Variants in SULT4A1 observed in about 807,000 individuals in gnomAD.
SULT4A1 encodes sulfotransferase family 4A member 1, also known as sulfotransferase 4A1.
A neutral mutation model predicts 35.2 loss-of-function variants in SULT4A1; 11 were observed. The ratio of observed to expected loss-of-function variants is 0.31; its 90% CI spans 0.20 to 0.52. The LOEUF is 0.52. Ranked by LOEUF, SULT4A1 falls within the 20% of genes least tolerant of loss-of-function variation. SULT4A1 has a pLI of 0.97. For synonymous variants in SULT4A1, 152 were observed against 151.8 expected (o/e 1.00, Z -0.01); for missense variants, 271 against 383.7 (o/e 0.71, Z 2.45).
chr22:43,858,963 C>T (rs144412071), intron 1 of SULT4A1, among the ~76,000 whole-genome samples: 1 of 152,310 alleles, frequency 6.6e-6, no homozygotes, highest in Non-Finnish European at 1.5e-5. Flanking sequence ...TCTTCAGAAC[C>T]CTCATTACCA....
At chr22:43,828,936 C>T (rs2063306630) in intron 6 of SULT4A1, 124 bp downstream of exon 6, 3 of 1,125,138 alleles carry the variant, frequency 2.7e-6, no homozygotes, top group South Asian at 3.3e-5. Context: ...GGGCCAGCTA[C>T]AGACTGCTGT....
rs756931157 is a variant in SULT4A1 at position 43,862,251 on chromosome 22, C to A, written c.132G>T (p.Arg44=). 1 of 1,568,726 alleles carries A rather than the reference C, an allele frequency of 6.4e-7. No homozygotes were observed. Among genetic ancestry groups the A allele is most frequent in the African/African-American group, 1.4e-5 (1 of 71,296 alleles). Residue 44 remains arginine (R), a synonymous_variant, in exon 1 of 7, where the codon CGG becomes CGT. Coordinates refer to ENST00000330884, the MANE Select transcript of SULT4A1 (RefSeq NM_014351.4). The stretch of plus-strand genomic sequence containing the variant: ...AGGTGACGATCCACACGTCGCTGGG[C>A]CGCACCGGGAAGTTGGCGATCTCCT... The part of the protein sequence containing the change: ...KMEEIANFPV[R]PSDVWIVTYP...
intron 4 of SULT4A1, among the ~76,000 whole-genome samples, chr22:43,837,783 C>T (rs997418008): frequency 1.1e-4 from 16 of 152,240 alleles, no homozygotes; most frequent in Non-Finnish European, 2.2e-4. Flanking sequence ...TCTAGGTCCA[C>T]TGCCCTAAGT....
chr22:43,860,427 C>T (rs1429357610), intron 1 of SULT4A1, among the ~76,000 whole-genome samples: 2 of 152,196 alleles, frequency 1.3e-5, no homozygotes, highest in Admixed American at 6.5e-5. Context: ...TGTGTCTGGA[C>T]GTGGGCTAAG....
At chr22:43,845,226 C>T (rs767364013) in intron 1 of SULT4A1, among the ~76,000 whole-genome samples, 12 of 152,136 alleles carry the variant, frequency 7.9e-5, no homozygotes, top group African/African-American at 1.2e-4. Context: ...GGTGACAGCC[C>T]GGAGTGCAGC....
intron 1 of SULT4A1, among the ~76,000 whole-genome samples, chr22:43,860,287 C>G (rs1040139147): frequency 1.3e-5 from 2 of 150,878 alleles, no homozygotes; most frequent in African/African-American, 4.9e-5. Context: ...TCTCCCCCAT[C>G]AGACTGAGAG....
At chr22:43,848,084 A>T (rs1415639899) in intron 1 of SULT4A1, among the ~76,000 whole-genome samples, 1 of 151,260 alleles carries the variant, frequency 6.6e-6, no homozygotes, top group Admixed American at 6.6e-5. Context: ...AGGTACCCCC[A>T]CCCACCCAGC....
At chr22:43,857,137 A>T (rs1169761855) in intron 1 of SULT4A1, among the ~76,000 whole-genome samples, 4 of 152,200 alleles carry the variant, frequency 2.6e-5, no homozygotes, top group Non-Finnish European at 5.9e-5. Flanking sequence ...AACATAACAG[A>T]AACATTGAAT....
chr22:43,842,853 A>G (rs765871152), intron 1 of SULT4A1, among the ~76,000 whole-genome samples: 1 of 152,190 alleles, frequency 6.6e-6, no homozygotes, highest in African/African-American at 2.4e-5. Flanking sequence ...AGCATGCTAC[A>G]TTATGATATG....
intron 6 of SULT4A1, 134 bp downstream of exon 6, chr22:43,828,926 G>A: frequency 9.8e-7 from 1 of 1,023,906 alleles, no homozygotes; most frequent in East Asian, 2.8e-5. Context: ...CACAGGCCAT[G>A]GGCCAGCTAC....
Position 43,839,937 on chromosome 22 carries a change from C to T in SULT4A1, c.381+8G>A, listed in dbSNP as rs773928519. 4.4e-6 allele frequency: 7 copies of T among 1,603,016 alleles called. No homozygotes were observed. Among genetic ancestry groups the T allele is most frequent in the Non-Finnish European group, 6.0e-6 (7 of 1,175,072 alleles). On this transcript the variant is annotated splice_region_variant and intron_variant, in intron 3 of 6. Transcript: ENST00000330884. ...TCATCTCGGGAGGCAGAGGAGGTGC[C>T]AGCTTACCTTGGAGTCTCCATTGTG...
chr22:43,832,647 C>T (rs1352484730), intron 5 of SULT4A1, among the ~76,000 whole-genome samples: 4 of 151,984 alleles, frequency 2.6e-5, no homozygotes, highest in Non-Finnish European at 5.9e-5. Context: ...CACACACCAC[C>T]CGCCCCAGGG....
chr22:43,859,363 C>T (rs943189487), intron 1 of SULT4A1, among the ~76,000 whole-genome samples: 1 of 152,236 alleles, frequency 6.6e-6, no homozygotes, highest in Admixed American at 6.5e-5. Context: ...AGTGAGAATG[C>T]GCACACACTT....
chr22:43,843,975 T>C (rs2063454349), intron 1 of SULT4A1, among the ~76,000 whole-genome samples: 1 of 152,010 alleles, frequency 6.6e-6, no homozygotes, highest in South Asian at 2.1e-4. Flanking sequence ...GACTGAGACC[T>C]CGCCCCGTGG....
chr22:43,835,888 C>A (rs1231802231), intron 4 of SULT4A1, among the ~76,000 whole-genome samples: 1 of 152,224 alleles, frequency 6.6e-6, no homozygotes, highest in Non-Finnish European at 1.5e-5. Flanking sequence ...GGAGTCCCCA[C>A]AGCAGGAGGG....
At chr22:43,827,372 G>A (rs2063294839) in intron 6 of SULT4A1, 12 of 1,141,222 alleles carry the variant, frequency 1.1e-5, no homozygotes, top group Non-Finnish European at 1.3e-5. Flanking sequence ...GTGTTGGAGA[G>A]AAAAACAAGA....
intron 3 of SULT4A1, among the ~76,000 whole-genome samples, chr22:43,839,682 G>A (rs554306894): frequency 3.9e-5 from 6 of 152,200 alleles, no homozygotes; most frequent in Non-Finnish European, 7.3e-5. Flanking sequence ...GCAGGTACAC[G>A]CCTGCTGGCC....
In SULT4A1 at chr22:43,825,858, C is replaced by T; in HGVS notation, c.*143G>A. On this transcript the variant is annotated 3_prime_UTR_variant, in exon 7 of 7. Transcript: ENST00000330884. ...TCGGTTGGGAATCATCACACTCCCT[C>T]CGCTCACGCCGCTCTTCCCTTCCCC... 1.3e-6 allele frequency: 1 copy of T among 776,786 alleles called. No individual in the cohort carries two copies. Among genetic ancestry groups the T allele is most frequent in the East Asian group, 2.7e-5 (1 of 36,754 alleles). 48.1% of individuals were successfully genotyped at this position (776,786 alleles called of 1,614,324 possible). A position where few individuals can be genotyped will look rare whatever the true frequency, so the allele number is the denominator to read the frequency against.
chr22:43,857,128 AC>A (rs2049410182), intron 1 of SULT4A1, among the ~76,000 whole-genome samples: 1 of 152,226 alleles, frequency 6.6e-6, no homozygotes, highest in Non-Finnish European at 1.5e-5. Context: ...AGGGAAAAAA[AC>A]ATAACAGAAA....
Sources: gnomAD v4.1 joint callset for allele counts (sites outside exome capture counted in the v4.1 genomes callset) on GRCh38, gnomAD v4.1.1 for gene constraint, MANE v1.5 for transcripts, NCBI Gene and HGNC (gene_info 2026-07-23, HGNC 2026-07-21) for gene names.